Variants in SMYD3 observed in about 807,000 individuals in gnomAD.
The protein encoded by SMYD3 is SET and MYND domain containing 3.
A neutral mutation model predicts 57.7 loss-of-function variants in SMYD3; 36 were observed. That is an observed-to-expected ratio of 0.62 (90% CI 0.48 to 0.82). SMYD3 has a LOEUF of 0.82. Among genes scored for constraint, SMYD3 ranks in the 40% least tolerant of loss-of-function variants. The probability of loss-of-function intolerance (pLI) is 0.00; values close to 1 mark genes in which losing one functional copy is unlikely to be tolerated. For missense variants in SMYD3, 515 were observed against 538.8 expected (o/e 0.96, Z 0.44); for synonymous variants, 211 against 195.0 (o/e 1.08, Z -0.68).
chr1:246,021,502 C>T (rs2059470111), intron 5 of SMYD3, among the ~76,000 whole-genome samples: 2 of 152,236 alleles, frequency 1.3e-5, no homozygotes, highest in East Asian at 1.9e-4. Context: ...GACTTGAGTT[C>T]GTACAACCAC....
intron 10 of SMYD3, among the ~76,000 whole-genome samples, chr1:245,823,729 T>C (rs1028532153): frequency 6.6e-6 from 1 of 152,178 alleles, no homozygotes; most frequent in Non-Finnish European, 1.5e-5. Context: ...GCTCTCTCAT[T>C]GGGCAGAAGA....
chr1:245,957,009 C>T (rs879582719), intron 5 of SMYD3, among the ~76,000 whole-genome samples: 5 of 152,118 alleles, frequency 3.3e-5, no homozygotes, highest in African/African-American at 7.2e-5. Flanking sequence ...AAACTAGAAA[C>T]GAATCATCAG....
intron 1 of SMYD3, among the ~76,000 whole-genome samples, chr1:246,482,968 C>T (rs7537318): frequency 0.25 from 37,325 of 152,008 alleles, 4,965 homozygotes; most frequent in Middle Eastern, 0.38. Flanking sequence ...ACTAGTTAAC[C>T]CAAATTTCAG....
chr1:246,087,420 G>A (rs2060739232), intron 5 of SMYD3, among the ~76,000 whole-genome samples: 1 of 152,082 alleles, frequency 6.6e-6, no homozygotes, highest in African/African-American at 2.4e-5. Context: ...AATATCTGCT[G>A]AATGAGTAAA....
intron 5 of SMYD3, among the ~76,000 whole-genome samples, chr1:246,077,967 A>G (rs2060575463): frequency 6.6e-6 from 1 of 152,172 alleles, no homozygotes; most frequent in Admixed American, 6.5e-5. Flanking sequence ...AAATAAAAAT[A>G]TATTATTGTT....
At chr1:245,793,100 G>C (rs1212958691) in intron 10 of SMYD3, among the ~76,000 whole-genome samples, 5 of 147,288 alleles carry the variant, frequency 3.4e-5, no homozygotes, top group East Asian at 4.0e-4. Flanking sequence ...ACGAAATCAG[G>C]AGATCAAGAC....
intron 1 of SMYD3, among the ~76,000 whole-genome samples, chr1:246,379,491 A>C (rs1422303612): frequency 6.6e-6 from 1 of 152,176 alleles, no homozygotes; most frequent in Non-Finnish European, 1.5e-5. Flanking sequence ...GAATGTTTAT[A>C]ACTCTTGGGA....
chr1:246,231,275 C>T (rs1360496550), intron 5 of SMYD3, among the ~76,000 whole-genome samples: 2 of 152,124 alleles, frequency 1.3e-5, no homozygotes, highest in African/African-American at 2.4e-5. Flanking sequence ...TCTGATATAG[C>T]TGTGGATACA....
chr1:246,282,305 C>CAAAAAAAAAAAAAA lies in SMYD3; in HGVS notation c.531+44882_531+44895dup, dbSNP rs57740230. On this transcript the variant is annotated intron_variant, in intron 5 of 11. Transcript: ENST00000490107. ...CAACATGGCAAGACCCTCATCTCTA[C>CAAAAAAAAAAAAAA]AAAAAAAAAAAAAAAAAAAAAAAAA... 5.7e-4 allele frequency among the ~76,000 whole-genome samples: 39 copies of CAAAAAAAAAAAAAA among 67,928 alleles called. 1 individual carries two copies. The highest frequency in any genetic ancestry group is 6.3e-4 in the Non-Finnish European group (25 of 39,658). 44.6% of individuals were successfully genotyped at this position (67,928 alleles called of 152,430 possible).
intron 5 of SMYD3, among the ~76,000 whole-genome samples, chr1:246,011,001 C>A (rs2059272506): frequency 6.6e-6 from 1 of 152,208 alleles, no homozygotes; most frequent in Non-Finnish European, 1.5e-5. Context: ...AAGACGTCAT[C>A]TTGTCCCCAT....
intron 5 of SMYD3, among the ~76,000 whole-genome samples, chr1:246,006,907 C>A (rs1035517389): frequency 2.0e-5 from 3 of 152,216 alleles, no homozygotes; most frequent in Non-Finnish European, 4.4e-5. Context: ...ACTATGAAAT[C>A]TAAGAGCAGA....
intron 10 of SMYD3, among the ~76,000 whole-genome samples, chr1:245,780,952 T>C (rs951703291): frequency 6.6e-6 from 1 of 152,176 alleles, no homozygotes; most frequent in Admixed American, 6.5e-5. Context: ...TGTTACAACA[T>C]GAATGAACCT....
chr1:246,177,111 T>G (rs1211402981), intron 5 of SMYD3, among the ~76,000 whole-genome samples: 1 of 152,200 alleles, frequency 6.6e-6, no homozygotes, highest in Non-Finnish European at 1.5e-5. Context: ...TTAAATCTTT[T>G]CAAAACACAA....
chr1:246,125,894 T>C (rs1890331), intron 5 of SMYD3, among the ~76,000 whole-genome samples: 119,075 of 151,806 alleles, frequency 0.78, 46,876 homozygotes, highest in Admixed American at 0.86. Context: ...ATTCGAGTAG[T>C]AGTAAAAAGG....
At chr1:246,438,690 G>C (rs1363625912) in intron 1 of SMYD3, among the ~76,000 whole-genome samples, 1 of 152,100 alleles carries the variant, frequency 6.6e-6, no homozygotes, top group Admixed American at 6.6e-5. Flanking sequence ...TAGCACCAGG[G>C]ACCAGTTTCG....
At chr1:246,067,989 G>A (rs999999146) in intron 5 of SMYD3, among the ~76,000 whole-genome samples, 22 of 152,204 alleles carry the variant, frequency 1.4e-4, no homozygotes, top group African/African-American at 4.6e-4. Context: ...ACAAGAGACC[G>A]TGTGGAGGGC....
At chr1:246,015,960 T>C (rs1376597430) in intron 5 of SMYD3, among the ~76,000 whole-genome samples, 2 of 152,210 alleles carry the variant, frequency 1.3e-5, no homozygotes, top group East Asian at 3.9e-4. Context: ...ATTTCTAATG[T>C]TCTAAGGAAG....
intron 10 of SMYD3, among the ~76,000 whole-genome samples, chr1:245,804,406 C>T (rs908888872): frequency 1.3e-5 from 2 of 151,894 alleles, no homozygotes; most frequent in Admixed American, 6.6e-5. Flanking sequence ...TGTGGTGAAA[C>T]CCCATCTCTA....
At chr1:246,356,670 A>C (rs927130286) in intron 1 of SMYD3, among the ~76,000 whole-genome samples, 9 of 152,216 alleles carry the variant, frequency 5.9e-5, no homozygotes, top group Admixed American at 1.3e-4. Flanking sequence ...CAGCAACAGA[A>C]TCGAACAAGC....
Sources: gnomAD v4.1 joint callset for allele counts (sites outside exome capture counted in the v4.1 genomes callset) on GRCh38, gnomAD v4.1.1 for gene constraint, MANE v1.5 for transcripts, NCBI Gene and HGNC (gene_info 2026-07-23, HGNC 2026-07-21) for gene names.